The following KIF26B variants were observed in gnomAD, a reference collection of about 807,000 sequenced individuals.
KIF26B encodes kinesin-like protein KIF26B.
A neutral mutation model predicts 151.2 loss-of-function variants in KIF26B; 63 were observed. The ratio of observed to expected loss-of-function variants is 0.42; its 90% CI spans 0.34 to 0.51. The LOEUF (loss-of-function observed/expected upper bound fraction) is 0.51. Ranked by LOEUF, KIF26B falls within the 20% of genes least tolerant of loss-of-function variation. KIF26B has a pLI of 0.07. For synonymous variants in KIF26B, 1,357 were observed against 1,262.1 expected (o/e 1.08, Z -1.59); for missense variants, 2,813 against 2,913.6 (o/e 0.97, Z 0.79).
chr1:245,301,050 C>T (rs1027809239), intron 2 of KIF26B, among the ~76,000 whole-genome samples: 13 of 151,918 alleles, frequency 8.6e-5, no homozygotes, highest in African/African-American at 3.1e-4. Context: ...AGGCTGGTCT[C>T]GAACTCCTGA....
At chr1:245,662,436 AT>A (rs2044159325) in intron 10 of KIF26B, among the ~76,000 whole-genome samples, 1 of 8,818 alleles carries the variant, frequency 1.1e-4, no homozygotes, top group African/African-American at 2.2e-3. Context: ...CACATACCCG[AT>A]ATATATATAT....
At chr1:245,331,073 G>A (rs1672099452) in intron 2 of KIF26B, among the ~76,000 whole-genome samples, 2 of 152,018 alleles carry the variant, frequency 1.3e-5, no homozygotes, top group Non-Finnish European at 2.9e-5. Context: ...GAGCCTCAGA[G>A]CAGGAACGCA....
At chr1:245,307,400 C>T (rs1416477358) in intron 2 of KIF26B, among the ~76,000 whole-genome samples, 9 of 145,566 alleles carry the variant, frequency 6.2e-5, no homozygotes, top group African/African-American at 2.0e-4. Flanking sequence ...AATGAATGGG[C>T]CCCAGAGATT....
chr1:245,593,403 T>A (rs1383778518), intron 5 of KIF26B, among the ~76,000 whole-genome samples: 2 of 151,750 alleles, frequency 1.3e-5, no homozygotes, highest in East Asian at 1.9e-4. Flanking sequence ...CTCCCACTTA[T>A]GAGTGAGAAC....
intron 2 of KIF26B, among the ~76,000 whole-genome samples, chr1:245,245,745 A>G (rs1670316568): frequency 6.6e-6 from 1 of 152,144 alleles, no homozygotes; most frequent in African/African-American, 2.4e-5. Context: ...AACCTGGCCA[A>G]GATGGTGAAA....
At chr1:245,700,557 G>T (rs1316315341) in intron 14 of KIF26B, among the ~76,000 whole-genome samples, 2 of 152,190 alleles carry the variant, frequency 1.3e-5, no homozygotes. Context: ...AATTAGCCGG[G>T]CGTGGTGGCG....
chr1:245,346,499 C>T (rs1041531485), intron 2 of KIF26B, among the ~76,000 whole-genome samples: 1 of 152,144 alleles, frequency 6.6e-6, no homozygotes, highest in Non-Finnish European at 1.5e-5. Context: ...CACCTTGTTC[C>T]TTGTGGATTG....
chr1:245,455,749 C>T (rs1431472018), intron 4 of KIF26B, among the ~76,000 whole-genome samples: 2 of 152,148 alleles, frequency 1.3e-5, no homozygotes, highest in Non-Finnish European at 2.9e-5. Context: ...ATGCTAGACT[C>T]TTGGTTGGGA....
At chr1:245,372,779 G>A (rs1673158696) in intron 3 of KIF26B, among the ~76,000 whole-genome samples, 1 of 152,188 alleles carries the variant, frequency 6.6e-6, no homozygotes, top group Non-Finnish European at 1.5e-5. Flanking sequence ...GTTGGTGTTG[G>A]AATGCACCTG....
intron 4 of KIF26B, among the ~76,000 whole-genome samples, chr1:245,515,501 G>A (rs867912454): frequency 5.3e-5 from 8 of 152,196 alleles, no homozygotes; most frequent in Non-Finnish European, 1.2e-4. Context: ...GGTCTTGAGT[G>A]AAGATGAAAT....
In KIF26B at chr1:245,213,135, T is replaced by G. The variant is rs564437352; in HGVS notation, c.465+56452T>G. ...GATTTCCTTTCGGTTCAGAACAATT[T>G]AGGTCAATCTTAGATTTTTAAGAAT... On this transcript the variant is annotated intron_variant, in intron 2 of 14. Coordinates refer to ENST00000407071, the MANE Select transcript of KIF26B (RefSeq NM_018012.4). 4.6e-5 allele frequency among the ~76,000 whole-genome samples: 7 copies of G among 152,344 alleles called. No homozygotes were observed. The South Asian group carries it at 1.5e-3, about 32-fold the overall frequency.
intron 2 of KIF26B, among the ~76,000 whole-genome samples, chr1:245,176,041 C>T (rs1242251455): frequency 2.6e-5 from 4 of 151,576 alleles, no homozygotes; most frequent in African/African-American, 9.7e-5. Flanking sequence ...GAGTCTCACT[C>T]TTGTTGCCCA....
chr1:245,635,467 G>A (rs1192283434), intron 9 of KIF26B, among the ~76,000 whole-genome samples: 1 of 152,016 alleles, frequency 6.6e-6, no homozygotes. Flanking sequence ...CTTTAGATGA[G>A]GCCATCTCAT....
intron 2 of KIF26B, among the ~76,000 whole-genome samples, chr1:245,199,516 TTG>T (rs1264059072): frequency 2.0e-5 from 3 of 151,866 alleles, no homozygotes; most frequent in African/African-American, 7.3e-5. Context: ...GGCCTCTCTG[TTG>T]CCCAGGCTGG....
At chr1:245,492,641 C>G (rs1218299544) in intron 4 of KIF26B, among the ~76,000 whole-genome samples, 1 of 152,246 alleles carries the variant, frequency 6.6e-6, no homozygotes, top group Non-Finnish European at 1.5e-5. Context: ...ATTTTTCAAA[C>G]TGACCTAAGC....
At chr1:245,536,396 T>G (rs1309378159) in intron 4 of KIF26B, among the ~76,000 whole-genome samples, 1 of 152,108 alleles carries the variant, frequency 6.6e-6, no homozygotes, top group African/African-American at 2.4e-5. Context: ...TACCGTGAGC[T>G]CTCTTCCCTG....
intron 2 of KIF26B, among the ~76,000 whole-genome samples, chr1:245,300,885 C>T (rs2364338): frequency 0.41 from 62,396 of 150,592 alleles, 13,129 homozygotes; most frequent in East Asian, 0.59. Context: ...GGCTGGAGTG[C>T]GGTGATGCTA....
intron 5 of KIF26B, among the ~76,000 whole-genome samples, chr1:245,561,687 C>A (rs918558361): frequency 6.6e-6 from 1 of 152,190 alleles, no homozygotes; most frequent in African/African-American, 2.4e-5. Flanking sequence ...TATACCAACT[C>A]ATTAAAGTTG....
Position 245,479,569 on chromosome 1 carries a change from A to C in KIF26B, c.1166+59824A>C, listed in dbSNP as rs549605893. On this transcript the variant is annotated intron_variant, in intron 4 of 14. Transcript: ENST00000407071. ...GGAGGAATGGTTGTTTGGTTGAGAC[A>C]TTTGCAAATAGTAAGCAGTCACCTT... 2.7e-4 allele frequency among the ~76,000 whole-genome samples: 41 copies of C among 151,992 alleles called. 1 individual carries two copies. Among genetic ancestry groups the C allele is most frequent in the African/African-American group, 8.2e-4 (34 of 41,534 alleles).
Sources: allele counts gnomAD v4.1 joint callset (sites outside exome capture counted in the v4.1 genomes callset), GRCh38; gene constraint gnomAD v4.1.1; transcripts MANE v1.5; gene names NCBI Gene and HGNC (gene_info 2026-07-23, HGNC 2026-07-21).